Variants in CHRM3 observed in about 807,000 individuals in gnomAD.
CHRM3 encodes the protein muscarinic acetylcholine receptor M3.
CHRM3 carries 11 observed loss-of-function variants against 41.8 expected under a neutral mutation model. That is an observed-to-expected ratio of 0.26 (90% CI 0.17 to 0.44). CHRM3 has a LOEUF of 0.44. CHRM3 is among the 20% of genes least tolerant of loss of function. The probability of loss-of-function intolerance (pLI) is 1.00; values close to 1 mark genes in which losing one functional copy is unlikely to be tolerated. For missense variants in CHRM3, 571 were observed against 745.4 expected (o/e 0.77, Z 2.72); for synonymous variants, 297 against 301.4 (o/e 0.99, Z 0.15).
intron 2 of CHRM3, among the ~76,000 whole-genome samples, chr1:239,512,825 A>AG (rs1361220128): frequency 6.6e-6 from 1 of 151,326 alleles, no homozygotes; most frequent in Non-Finnish European, 1.5e-5. Context: ...AAAAAAAAAA[A>AG]CTGTTAGAAT....
chr1:239,700,549 G>A (rs916612451), intron 5 of CHRM3, among the ~76,000 whole-genome samples: 19 of 152,150 alleles, frequency 1.2e-4, no homozygotes, highest in African/African-American at 3.6e-4. Flanking sequence ...TTTGAAAAGC[G>A]CTATCAAACA....
In CHRM3 at chr1:239,767,967, A is replaced by G. The variant is rs75269110; in HGVS notation, c.-146-59285A>G. Among the ~76,000 whole-genome samples, 877 of 152,270 alleles carry G rather than the reference A, an allele frequency of 5.8e-3. 3 individuals are homozygous for G. The highest frequency in any genetic ancestry group is 9.3e-3 in the Non-Finnish European group (630 of 68,034). On this transcript the variant is annotated intron_variant, in intron 5 of 6. Transcript: ENST00000676153. ...TTATAACAAGCCCCGGGTGATTTCAATGCTACTGGTCCATAGGTCACAGTT... is the reference window on the plus strand; with the variant it reads ...TTATAACAAGCCCCGGGTGATTTCAGTGCTACTGGTCCATAGGTCACAGTT...
At chr1:239,850,481 C>A (rs1436609565) in intron 6 of CHRM3, among the ~76,000 whole-genome samples, 2 of 152,122 alleles carry the variant, frequency 1.3e-5, no homozygotes, top group African/African-American at 4.8e-5. Flanking sequence ...CCCAGGCAGT[C>A]AAACCCGTGT....
intron 1 of CHRM3, among the ~76,000 whole-genome samples, chr1:239,454,095 C>A (rs1664756326): frequency 6.6e-6 from 1 of 151,924 alleles, no homozygotes; most frequent in African/African-American, 2.4e-5. Context: ...TGACTGGGGG[C>A]CCTACAATTC....
chr1:239,504,204 A>T (rs1021227956), intron 2 of CHRM3, among the ~76,000 whole-genome samples: 1 of 152,054 alleles, frequency 6.6e-6, no homozygotes, highest in Non-Finnish European at 1.5e-5. Flanking sequence ...ACTCAAACAA[A>T]TCAGTAAGAG....
intron 3 of CHRM3, among the ~76,000 whole-genome samples, chr1:239,559,705 G>A (rs1660686990): frequency 6.6e-6 from 1 of 152,118 alleles, no homozygotes; most frequent in Non-Finnish European, 1.5e-5. Context: ...GTTATTAGAT[G>A]ATGGTGACAA....
intron 2 of CHRM3, among the ~76,000 whole-genome samples, chr1:239,532,314 G>A (rs1657684488): frequency 6.8e-6 from 1 of 147,770 alleles, no homozygotes; most frequent in Admixed American, 6.7e-5. Flanking sequence ...CCCGGCTGGT[G>A]GAGTATATTT....
chr1:239,537,247 G>A (rs1658292187), intron 2 of CHRM3, among the ~76,000 whole-genome samples: 1 of 152,152 alleles, frequency 6.6e-6, no homozygotes, highest in South Asian at 2.1e-4. Context: ...AAATACCTGA[G>A]ACAGGGTAAT....
At chr1:239,571,489 T>C (rs982487433) in intron 3 of CHRM3, among the ~76,000 whole-genome samples, 3 of 152,152 alleles carry the variant, frequency 2.0e-5, no homozygotes, top group Admixed American at 2.0e-4. Context: ...TAGAGCAGTC[T>C]TGGAGATGCA....
At chr1:239,805,706 T>A (rs1056417838) in intron 5 of CHRM3, among the ~76,000 whole-genome samples, 4 of 152,104 alleles carry the variant, frequency 2.6e-5, no homozygotes, top group African/African-American at 9.7e-5. Flanking sequence ...TAGTTACATT[T>A]TTTGAGTAAT....
intron 1 of CHRM3, among the ~76,000 whole-genome samples, chr1:239,414,832 G>T (rs1661373001): frequency 6.6e-6 from 1 of 152,054 alleles, no homozygotes; most frequent in African/African-American, 2.4e-5. Context: ...TAATTTATTG[G>T]TAAAAATACC....
intron 1 of CHRM3, among the ~76,000 whole-genome samples, chr1:239,410,101 A>G (rs1433008208): frequency 6.6e-6 from 1 of 152,178 alleles, no homozygotes; most frequent in Non-Finnish European, 1.5e-5. Flanking sequence ...TTTAAGAAGC[A>G]TTTTAGTGTA....
intron 4 of CHRM3, among the ~76,000 whole-genome samples, chr1:239,637,736 AT>A (rs1282643549): frequency 1.5e-5 from 2 of 132,608 alleles, no homozygotes; most frequent in East Asian, 4.3e-4. Context: ...GGGAATTTGT[AT>A]TTCTTTGTGA....
At chr1:239,897,525 C>G (rs901628238) in intron 6 of CHRM3, among the ~76,000 whole-genome samples, 22 of 152,170 alleles carry the variant, frequency 1.4e-4, no homozygotes, top group Non-Finnish European at 2.1e-4. Context: ...TTATCCTCCA[C>G]TATAAAGGCA....
intron 3 of CHRM3, among the ~76,000 whole-genome samples, chr1:239,620,131 G>A (rs117084718): frequency 6.6e-6 from 1 of 152,250 alleles, no homozygotes; most frequent in East Asian, 1.9e-4. Context: ...TAACAGCATT[G>A]ACTTTTAGAT....
chr1:239,839,812 G>A (rs945993164), intron 6 of CHRM3, among the ~76,000 whole-genome samples: 5 of 150,918 alleles, frequency 3.3e-5, no homozygotes, highest in Non-Finnish European at 4.4e-5. Context: ...GGGGGGGAGC[G>A]GGGAAGGGAG....
At chr1:239,730,863 G>A (rs1663903576) in intron 5 of CHRM3, among the ~76,000 whole-genome samples, 1 of 151,792 alleles carries the variant, frequency 6.6e-6, no homozygotes, top group Non-Finnish European at 1.5e-5. Context: ...AGATAATTTA[G>A]GACTCTACTG....
intron 1 of CHRM3, among the ~76,000 whole-genome samples, chr1:239,468,904 T>G (rs1238471803): frequency 6.6e-6 from 1 of 152,128 alleles, no homozygotes; most frequent in Non-Finnish European, 1.5e-5. Flanking sequence ...AAAAGGTCAA[T>G]AAATCCATTA....
chr1:239,583,871 A>C (rs968341279), intron 3 of CHRM3, among the ~76,000 whole-genome samples: 1 of 152,036 alleles, frequency 6.6e-6, no homozygotes, highest in Non-Finnish European at 1.5e-5. Context: ...TAGAGAAAAA[A>C]AATGCTTTAA....
Sources: allele counts gnomAD v4.1 joint callset (sites outside exome capture counted in the v4.1 genomes callset), GRCh38; gene constraint gnomAD v4.1.1; transcripts MANE v1.5; gene names NCBI Gene and HGNC (gene_info 2026-07-23, HGNC 2026-07-21).